GABRB3: variants seen among roughly 807,000 people sequenced by gnomAD.
GABRB3 encodes the protein gamma-aminobutyric acid type A receptor subunit beta3.
In GABRB3, 14 loss-of-function variants were observed where a neutral mutation model predicts 52.1. That is an observed-to-expected ratio of 0.27 (90% CI 0.18 to 0.42). The LOEUF (loss-of-function observed/expected upper bound fraction) is 0.42, where lower values mean the gene tolerates loss of function less well. Among genes scored for constraint, GABRB3 ranks in the 10% least tolerant of loss-of-function variants. The pLI is 1.00. For synonymous variants in GABRB3, 260 were observed against 232.3 expected, an observed-to-expected ratio of 1.12 and a Z score of -1.08; for missense variants, 307 against 609.1, an observed-to-expected ratio of 0.50 and a Z score of 5.22.
chr15:26,619,844 CCA>C lies in GABRB3; in HGVS notation c.461+1468_461+1469del, dbSNP rs528758706. On this transcript the variant is annotated intron_variant, in intron 4 of 8. Coordinates refer to ENST00000311550, the MANE Select transcript of GABRB3 (RefSeq NM_000814.6). ...GCACACACCTACAACACACACATTA[CCA>C]CACAAAACACACACCACACACACAT... is the stretch of plus-strand genomic sequence containing the variant. Among the ~76,000 whole-genome samples the C allele has an allele frequency of 4.8e-3, 731 of 151,778 alleles. 7 individuals carry two copies. The highest frequency in any genetic ancestry group is 0.017 in the African/African-American group (706 of 41,370).
At chr15:26,560,300 A>G (rs1325638074) in intron 8 of GABRB3, among the ~76,000 whole-genome samples, 1 of 152,252 alleles carries the variant, frequency 6.6e-6, no homozygotes, top group Non-Finnish European at 1.5e-5. Context: ...TTAAAAAACC[A>G]TTAGGCCCTG....
chr15:26,598,287 C>T (rs1047291705), intron 4 of GABRB3, among the ~76,000 whole-genome samples: 2 of 151,452 alleles, frequency 1.3e-5, no homozygotes, highest in Non-Finnish European at 2.9e-5. Flanking sequence ...AAGAGCAAAG[C>T]GAAATTGAAG....
rs1223039173 is a variant in GABRB3 at position 26,772,776 on chromosome 15, G to A, written c.81-4C>T. Reference sequence around the variant, plus strand: ...CATGTTCCCGGGATCGTTCACACTGGGGGAGGGACGGGGAGCACAAAGAGC... The same window carrying A: ...CATGTTCCCGGGATCGTTCACACTGAGGGAGGGACGGGGAGCACAAAGAGC... On this transcript the variant is annotated splice_polypyrimidine_tract_variant and splice_region_variant and intron_variant, in intron 1 of 8. Transcript: ENST00000311550. 2 of 1,542,876 alleles carry A rather than the reference G, an allele frequency of 1.3e-6. No individual in the cohort carries two copies. Among genetic ancestry groups the A allele is most frequent in the Non-Finnish European group, 1.7e-6 (2 of 1,143,428 alleles).
intron 6 of GABRB3, among the ~76,000 whole-genome samples, chr15:26,579,238 C>T (rs556632540): frequency 6.6e-6 from 1 of 152,196 alleles, no homozygotes. Context: ...CAGGTCCCTC[C>T]TCAGGGAGGT....
In GABRB3 at chr15:26,554,190, A is replaced by ATATATATAT. The variant is rs1567097853; in HGVS notation, c.1081-6057_1081-6056insATATATATA. Among the ~76,000 whole-genome samples the ATATATATAT allele has an allele frequency of 9.4e-3, 297 of 31,498 alleles. 20 individuals are homozygous for ATATATATAT. The highest frequency in any genetic ancestry group is 0.011 in the Non-Finnish European group (180 of 15,688). 20.7% of individuals were successfully genotyped at this position (31,498 alleles called of 152,430 possible). ...ATATATATAAAGTATATATATATAT[A>ATATATATAT]CTATATATATATATATATAGTAGAA... On this transcript the variant is annotated intron_variant, in intron 8 of 8. Transcript: ENST00000311550.
At chr15:26,673,583 T>C (rs977279498) in intron 3 of GABRB3, among the ~76,000 whole-genome samples, 2 of 152,176 alleles carry the variant, frequency 1.3e-5, no homozygotes, top group Non-Finnish European at 2.9e-5. Flanking sequence ...TTCTTAGCCA[T>C]GGAGCAAAGA....
At chr15:26,684,917 T>G (rs894510860) in intron 3 of GABRB3, among the ~76,000 whole-genome samples, 1 of 152,222 alleles carries the variant, frequency 6.6e-6, no homozygotes, top group Non-Finnish European at 1.5e-5. Context: ...AAATGTAACT[T>G]GAGGACACTC....
intron 3 of GABRB3, among the ~76,000 whole-genome samples, chr15:26,727,269 C>T (rs1361267183): frequency 6.6e-6 from 1 of 152,190 alleles, no homozygotes; most frequent in Non-Finnish European, 1.5e-5. Flanking sequence ...CCATCAACCT[C>T]TACAGTAAGG....
chr15:26,709,515 C>CTTTTTTTTTTTTTTT (rs57044167), intron 3 of GABRB3, among the ~76,000 whole-genome samples: 50 of 92,000 alleles, frequency 5.4e-4, no homozygotes, highest in Non-Finnish European at 7.3e-4. Flanking sequence ...TTTTTTCTTT[C>CTTTTTTTTTTTTTTT]TTTTTTTTTT....
chr15:26,587,005 G>A (rs1436867279), intron 4 of GABRB3, among the ~76,000 whole-genome samples: 2 of 152,124 alleles, frequency 1.3e-5, no homozygotes, highest in East Asian at 3.9e-4. Flanking sequence ...TAGCAGTAGA[G>A]TATTGTACAT....
chr15:26,761,509 T>C (rs533895059), intron 3 of GABRB3, among the ~76,000 whole-genome samples: 26 of 152,214 alleles, frequency 1.7e-4, no homozygotes, highest in Admixed American at 1.6e-3. Flanking sequence ...TCATTTTATA[T>C]GTAAATATAT....
intron 3 of GABRB3, among the ~76,000 whole-genome samples, chr15:26,700,033 A>G (rs1397329129): frequency 6.6e-6 from 1 of 152,058 alleles, no homozygotes; most frequent in Non-Finnish European, 1.5e-5. Flanking sequence ...AACAAAAACA[A>G]TACTGAAAAA....
At chr15:26,623,118 C>T (rs1354231498) in intron 3 of GABRB3, among the ~76,000 whole-genome samples, 5 of 152,160 alleles carry the variant, frequency 3.3e-5, no homozygotes, top group South Asian at 4.1e-4. Context: ...AGATAACCCT[C>T]GGCTAGGTAG....
chr15:26,600,332 T>G (rs1891542962), intron 4 of GABRB3, among the ~76,000 whole-genome samples: 1 of 152,000 alleles, frequency 6.6e-6, no homozygotes, highest in Admixed American at 6.6e-5. Flanking sequence ...TTTTAAAAAA[T>G]AGTGGCTGAA....
intron 3 of GABRB3, among the ~76,000 whole-genome samples, chr15:26,638,378 G>A (rs1893110511): frequency 6.6e-6 from 1 of 152,174 alleles, no homozygotes; most frequent in African/African-American, 2.4e-5. Context: ...GGGCTCCCAG[G>A]ATAGACGGCA....
Position 26,615,842 on chromosome 15 carries a change from T to G in GABRB3, c.461+5472A>C, listed in dbSNP as rs1467392619. On this transcript the variant is annotated intron_variant, in intron 4 of 8. Coordinates refer to ENST00000311550, the MANE Select transcript of GABRB3 (RefSeq NM_000814.6). ...TCTCAGTGTCCAGGGGTGAGAGAAA[T>G]TCAGTCTGAAGGTCTCAGTGATACA... 7.4e-6 allele frequency: 9 copies of G among 1,217,900 alleles called. No homozygotes were observed. The African/African-American group carries it at 1.3e-4, about 17-fold the overall frequency. The allele number at this position is 1,217,900 out of a possible 1,614,324, so 75.4% of individuals were successfully genotyped here.
At chr15:26,554,190 A>ATAAAGTAT (rs1567097853) in intron 8 of GABRB3, among the ~76,000 whole-genome samples, 2 of 31,542 alleles carry the variant, frequency 6.3e-5, no homozygotes, top group African/African-American at 1.7e-4. Context: ...ATATATATAT[A>ATAAAGTAT]CTATATATAT....
chr15:26,721,456 C>T (rs1735634140), intron 3 of GABRB3, among the ~76,000 whole-genome samples: 2 of 152,100 alleles, frequency 1.3e-5, no homozygotes, highest in South Asian at 4.1e-4. Flanking sequence ...GTCACCTCCC[C>T]AAGCCAGGCC....
rs1162139952 is a variant in GABRB3 at position 26,664,704 on chromosome 15, G to GTTTTTTTTTTTTTTTTTT, written c.241-43188_241-43171dup. 6.3e-5 allele frequency among the ~76,000 whole-genome samples: 6 copies of GTTTTTTTTTTTTTTTTTT among 95,224 alleles called. 2 individuals carry two copies. Among genetic ancestry groups the GTTTTTTTTTTTTTTTTTT allele is most frequent in the Non-Finnish European group, 1.1e-4 (6 of 52,250 alleles). The allele number at this position is 95,224 out of a possible 152,430, so 62.5% of individuals were successfully genotyped here. A position where few individuals can be genotyped will look rare whatever the true frequency, so the allele number is the denominator to read the frequency against. On this transcript the variant is annotated intron_variant, in intron 3 of 8. Transcript: ENST00000311550. ...CCTTATCATTTCTTTTCTTTTCTTT[G>GTTTTTTTTTTTTTTTTTT]TTTTTTTTTTTTTTTTTTTGGTGGA... is the stretch of plus-strand genomic sequence containing the variant.
Sources: gnomAD v4.1 joint callset for allele counts (sites outside exome capture counted in the v4.1 genomes callset) on GRCh38, gnomAD v4.1.1 for gene constraint, MANE v1.5 for transcripts, NCBI Gene and HGNC (gene_info 2026-07-23, HGNC 2026-07-21) for gene names.